Variants in LRRC37A2 observed in about 807,000 individuals in gnomAD.
The protein encoded by LRRC37A2 is leucine rich repeat containing 37 member A2, also known as leucine-rich repeat-containing protein 37A2.
Under a neutral mutation model 68.8 loss-of-function variants are expected in LRRC37A2, and 9 were observed. The ratio of observed to expected loss-of-function variants is 0.13; its 90% confidence interval spans 0.08 to 0.23. The LOEUF (loss-of-function observed/expected upper bound fraction) is 0.23. Ranked by LOEUF, LRRC37A2 falls within the 10% of genes least tolerant of loss-of-function variation. The pLI, the probability that LRRC37A2 is intolerant of heterozygous loss-of-function variation, is 1.00. For synonymous variants in LRRC37A2, 63 were observed against 367.6 expected (o/e 0.17, Z 9.48); for missense variants, 168 against 950.4 (o/e 0.18, Z 10.82).
chr17:46,854,810 C>T, the LRRC37A2 span, among the ~76,000 whole-genome samples: 1 of 152,042 alleles, frequency 6.6e-6, no homozygotes, highest in Admixed American at 6.6e-5. Context: ...CTGGTGCCCC[C>T]CATCACACCC....
chr17:46,923,270 G>C, the LRRC37A2 span: 1 of 1,550,510 alleles, frequency 6.4e-7, no homozygotes, highest in Non-Finnish European at 8.7e-7. Context: ...GCGAGGCCAG[G>C]TGAGCCTGGC....
At chr17:46,784,995 T>C in the LRRC37A2 span, among the ~76,000 whole-genome samples, 1 of 152,132 alleles carries the variant, frequency 6.6e-6, no homozygotes. Context: ...GCCAGGATGG[T>C]CTCGATCTCC....
At chr17:46,931,957 G>A in the LRRC37A2 span, 1 of 894,822 alleles carries the variant, frequency 1.1e-6, no homozygotes, top group Non-Finnish European at 1.9e-6. Flanking sequence ...GTGTGGGGTG[G>A]TGTAGGGAGA....
chr17:46,795,726 G>C, the LRRC37A2 span, among the ~76,000 whole-genome samples: 4 of 152,202 alleles, frequency 2.6e-5, no homozygotes, highest in African/African-American at 9.6e-5. Context: ...CTGCCGCTGT[G>C]CAGTCTCAAA....
At chr17:46,988,075 G>A in the LRRC37A2 span, among the ~76,000 whole-genome samples, 2 of 152,222 alleles carry the variant, frequency 1.3e-5, no homozygotes, top group African/African-American at 4.8e-5. Context: ...GGGAGGCTGA[G>A]GTAGGACAAT....
chr17:46,765,073 G>C, the LRRC37A2 span, among the ~76,000 whole-genome samples: 2 of 152,240 alleles, frequency 1.3e-5, no homozygotes, highest in East Asian at 3.8e-4. Context: ...ACTTAATTAC[G>C]AACAATTCCT....
the LRRC37A2 span, among the ~76,000 whole-genome samples, chr17:46,438,303 GA>G: frequency 1.5e-5 from 1 of 67,266 alleles, no homozygotes; most frequent in Non-Finnish European, 4.0e-5. Flanking sequence ...TCAAAAGATC[GA>G]ACCCTTTTTT....
At chr17:46,891,337 G>T in the LRRC37A2 span, among the ~76,000 whole-genome samples, 2 of 152,180 alleles carry the variant, frequency 1.3e-5, no homozygotes. Context: ...TGCAGATAAG[G>T]AAACTGAGGC....
the LRRC37A2 span, among the ~76,000 whole-genome samples, chr17:46,709,411 T>C: frequency 1.3e-5 from 2 of 152,102 alleles, no homozygotes; most frequent in Non-Finnish European, 2.9e-5. Flanking sequence ...AGTCACTGTT[T>C]TATGGTTCAG....
the LRRC37A2 span, among the ~76,000 whole-genome samples, chr17:46,752,874 C>T: frequency 6.6e-6 from 1 of 152,156 alleles, no homozygotes; most frequent in Non-Finnish European, 1.5e-5. Context: ...TCAAGGGATT[C>T]TCCTGCCTCG....
the LRRC37A2 span, chr17:46,952,668 TGA>T: frequency 6.6e-6 from 1 of 152,122 alleles, no homozygotes; most frequent in East Asian, 1.9e-4. Context: ...TCCAGCTATG[TGA>T]GAGGCCACCT....
chr17:46,944,133 G>C, the LRRC37A2 span, among the ~76,000 whole-genome samples: 2 of 152,234 alleles, frequency 1.3e-5, no homozygotes, highest in Non-Finnish European at 2.9e-5. Flanking sequence ...GAAGACAGTG[G>C]CTGACAGTAC....
the LRRC37A2 span, among the ~76,000 whole-genome samples, chr17:46,837,895 T>A: frequency 6.6e-6 from 1 of 152,052 alleles, no homozygotes; most frequent in Non-Finnish European, 1.5e-5. Flanking sequence ...TTTCTGACAG[T>A]TGGGAAAAAA....
the LRRC37A2 span, among the ~76,000 whole-genome samples, chr17:46,737,679 C>T: frequency 6.6e-6 from 1 of 151,720 alleles, no homozygotes; most frequent in African/African-American, 2.4e-5. Flanking sequence ...AAACATGATG[C>T]ATAGAGTTAG....
chr17:46,902,461 CGTGTGTGTGT>C, the LRRC37A2 span, among the ~76,000 whole-genome samples: 85 of 148,108 alleles, frequency 5.7e-4, no homozygotes, highest in Middle Eastern at 3.5e-3. Flanking sequence ...GGGAACAGTG[CGTGTGTGTGT>C]GTGTGTGTGT....
At chr17:46,768,196 T>C in the LRRC37A2 span, 1 of 1,467,824 alleles carries the variant, frequency 6.8e-7, no homozygotes, top group Non-Finnish European at 9.2e-7. The surrounding 1 kb of genome is among the most constrained non-coding windows in gnomAD (Gnocchi z 5.0). Flanking sequence ...TGTGGGAACT[T>C]GTGTGTCTTG....
At chr17:46,914,899 T>TG in the LRRC37A2 span, among the ~76,000 whole-genome samples, 1 of 152,188 alleles carries the variant, frequency 6.6e-6, no homozygotes, top group South Asian at 2.1e-4. Context: ...CTTTCTTTCC[T>TG]GCATTCTGAT....
intron 8 of LRRC37A2, among the ~76,000 whole-genome samples, chr17:46,541,247 G>A (rs1207808714): frequency 1.3e-5 from 2 of 150,432 alleles, no homozygotes; most frequent in Non-Finnish European, 2.9e-5. Flanking sequence ...CTTTCACAAA[G>A]CCTAATTTTT....
chr17:46,789,991 G>T, the LRRC37A2 span, among the ~76,000 whole-genome samples: 1 of 152,158 alleles, frequency 6.6e-6, no homozygotes, highest in African/African-American at 2.4e-5. Context: ...GGTGAAGACA[G>T]CCCTGCCCAG....
Sources: allele counts gnomAD v4.1 joint callset (sites outside exome capture counted in the v4.1 genomes callset), GRCh38; gene constraint gnomAD v4.1.1; non-coding constraint Gnocchi (gnomAD v3.1); transcripts MANE v1.5; gene names NCBI Gene and HGNC (gene_info 2026-07-23, HGNC 2026-07-21).